Variants in TMEM178B observed in about 807,000 individuals in gnomAD.
TMEM178B encodes the protein transmembrane protein 178B.
Under a neutral mutation model 31.0 loss-of-function variants are expected in TMEM178B, and 5 were observed. The ratio of observed to expected loss-of-function variants is 0.16; its 90% confidence interval spans 0.08 to 0.34. The LOEUF (loss-of-function observed/expected upper bound fraction) is 0.34, where lower values mean the gene tolerates loss of function less well. TMEM178B is among the 10% of genes least tolerant of loss of function. The probability of loss-of-function intolerance (pLI) is 1.00; values close to 1 mark genes in which losing one functional copy is unlikely to be tolerated. For missense variants in TMEM178B, 275 were observed against 400.3 expected, an observed-to-expected ratio of 0.69 and a Z score of 2.67; for synonymous variants, 164 against 164.0, an observed-to-expected ratio of 1.00 and a Z score of 0.00.
intron 2 of TMEM178B, among the ~76,000 whole-genome samples, chr7:141,381,222 ATAAGCAATAGCTTCTTCCAAT>A (rs1563166698): frequency 6.6e-6 from 1 of 152,242 alleles, no homozygotes; most frequent in Non-Finnish European, 1.5e-5. Flanking sequence ...CTTGTAGTTA[ATAAGCAATAGCTTCTTCCAAT>A]TCTCCTCTCA....
At chr7:141,411,647 C>G (rs1800992610) in intron 2 of TMEM178B, among the ~76,000 whole-genome samples, 1 of 152,162 alleles carries the variant, frequency 6.6e-6, no homozygotes, top group African/African-American at 2.4e-5. Flanking sequence ...TTGGCGCATT[C>G]AATTTAAAAG....
chr7:141,212,655 C>G lies in TMEM178B; in HGVS notation c.447C>G (p.Leu149=), dbSNP rs1241377135. 3 of 1,536,128 alleles carry G rather than the reference C, an allele frequency of 2.0e-6. No homozygotes were observed. Among genetic ancestry groups the G allele is most frequent in the Non-Finnish European group, 2.6e-6 (3 of 1,146,910 alleles). ...HYSSATIPRN[L]TFNITKTIRQ... is the part of the protein sequence containing the mutation. ...CCTCAGCAACCATCCCCAGGAACCT[C>G]ACTTTCAATATCACGAAGACCATCC... is the stretch of plus-strand genomic sequence containing the variant. The change falls in exon 2 of 4, where the codon CTC becomes CTG. Residue 149 remains leucine, a synonymous_variant. Transcript: ENST00000565468.
intron 2 of TMEM178B, among the ~76,000 whole-genome samples, chr7:141,382,567 A>T (rs1166578585): frequency 2.0e-5 from 3 of 152,212 alleles, no homozygotes; most frequent in African/African-American, 7.2e-5. Context: ...ATCTGCTGCC[A>T]AATTTAATAT....
intron 2 of TMEM178B, among the ~76,000 whole-genome samples, chr7:141,434,743 T>A (rs1586958001): frequency 6.6e-6 from 1 of 152,234 alleles, no homozygotes; most frequent in Non-Finnish European, 1.5e-5. Flanking sequence ...ACTGTATGTT[T>A]GTGCCCATTA....
At chr7:141,078,909 C>T (rs1330779903) in intron 1 of TMEM178B, among the ~76,000 whole-genome samples, 1 of 152,082 alleles carries the variant, frequency 6.6e-6, no homozygotes, top group African/African-American at 2.4e-5. Flanking sequence ...TCAGGGAGCT[C>T]GTATATCAAA....
chr7:141,266,665 G>A (rs961091022), intron 2 of TMEM178B, among the ~76,000 whole-genome samples: 2 of 152,188 alleles, frequency 1.3e-5, no homozygotes, highest in African/African-American at 2.4e-5. Flanking sequence ...GCTTCTCTGC[G>A]AGCCATTGGT....
At chr7:141,404,577 C>T (rs1454899845) in intron 2 of TMEM178B, among the ~76,000 whole-genome samples, 2 of 152,162 alleles carry the variant, frequency 1.3e-5, no homozygotes, top group Non-Finnish European at 2.9e-5. Flanking sequence ...CCTTTCTCTT[C>T]TAAGAGTAAG....
chr7:141,462,569 C>T lies in TMEM178B; in HGVS notation c.635-7967C>T, dbSNP rs148138470. The stretch of plus-strand genomic sequence containing the variant: ...CCTGGAGCCAGGGCAGCTTGGAAAC[C>T]GAGGAAAGAGATAGCCAAGCAGGAG... On this transcript the variant is annotated intron_variant, in intron 3 of 3. Transcript: ENST00000565468. Among the ~76,000 whole-genome samples, 251 of 151,770 alleles carry T rather than the reference C, an allele frequency of 1.7e-3. 2 individuals carry two copies. Among genetic ancestry groups the T allele is most frequent in the Middle Eastern group, 6.8e-3 (2 of 294 alleles).
the TMEM178B span, among the ~76,000 whole-genome samples, chr7:141,492,012 T>G: frequency 2.0e-3 from 305 of 152,292 alleles, 2 homozygotes; most frequent in African/African-American, 7.1e-3. Flanking sequence ...AACCACTCAA[T>G]GGCCTGCTGT....
At chr7:141,501,533 C>CACCA in the TMEM178B span, among the ~76,000 whole-genome samples, 1 of 152,138 alleles carries the variant, frequency 6.6e-6, no homozygotes, top group Non-Finnish European at 1.5e-5. Context: ...TTTGGTCAAA[C>CACCA]ACCAGTCTGA....
chr7:141,423,594 A>G (rs1323869375), intron 2 of TMEM178B, among the ~76,000 whole-genome samples: 1 of 152,148 alleles, frequency 6.6e-6, no homozygotes, highest in African/African-American at 2.4e-5. Context: ...AGGGCTCAGA[A>G]CTAAGAGTTT....
the TMEM178B span, among the ~76,000 whole-genome samples, chr7:141,498,200 A>C: frequency 6.6e-6 from 1 of 152,226 alleles, no homozygotes; most frequent in South Asian, 2.1e-4. Context: ...TTGACACCTC[A>C]TGGAAACAAG....
intron 2 of TMEM178B, among the ~76,000 whole-genome samples, chr7:141,223,286 C>T (rs1797284502): frequency 6.6e-6 from 1 of 152,004 alleles, no homozygotes; most frequent in Non-Finnish European, 1.5e-5. Flanking sequence ...TATTACTATC[C>T]CCTTATTTTC....
intron 2 of TMEM178B, among the ~76,000 whole-genome samples, chr7:141,331,862 C>T (rs1201395162): frequency 6.6e-6 from 1 of 152,192 alleles, no homozygotes; most frequent in Non-Finnish European, 1.5e-5. Flanking sequence ...GGGTTTTCTT[C>T]CTGGTCTCTT....
intron 2 of TMEM178B, chr7:141,415,359 C>A (rs1479335399): frequency 6.5e-6 from 1 of 152,762 alleles, no homozygotes; most frequent in East Asian, 1.9e-4. Context: ...TTACTGAGCT[C>A]CTGCTGAGGG....
chr7:141,105,614 A>G (rs555983934), intron 1 of TMEM178B, among the ~76,000 whole-genome samples: 1 of 152,324 alleles, frequency 6.6e-6, no homozygotes, highest in East Asian at 1.9e-4. Flanking sequence ...CTTCTCCCTA[A>G]TTTCTCTCAT....
At chr7:141,098,384 G>T (rs1454464319) in intron 1 of TMEM178B, among the ~76,000 whole-genome samples, 2 of 152,226 alleles carry the variant, frequency 1.3e-5, no homozygotes, top group East Asian at 1.9e-4. Context: ...TATCAGATTT[G>T]TCAGGACACA....
chr7:141,500,636 A>G, the TMEM178B span, among the ~76,000 whole-genome samples: 1 of 152,022 alleles, frequency 6.6e-6, no homozygotes, highest in African/African-American at 2.4e-5. Flanking sequence ...CCTGTGGGCC[A>G]TTTTTCCCCA....
chr7:141,196,389 T>A (rs760403931), intron 1 of TMEM178B, among the ~76,000 whole-genome samples: 1 of 152,210 alleles, frequency 6.6e-6, no homozygotes, highest in Non-Finnish European at 1.5e-5. Flanking sequence ...GACATATACA[T>A]TTCTACTTGA....
Sources: allele counts gnomAD v4.1 joint callset (sites outside exome capture counted in the v4.1 genomes callset), GRCh38; gene constraint gnomAD v4.1.1; transcripts MANE v1.5; gene names NCBI Gene and HGNC (gene_info 2026-07-23, HGNC 2026-07-21).